RAB7A: variants seen among roughly 807,000 people sequenced by gnomAD.
RAB7A encodes ras-related protein Rab-7a.
RAB7A carries 2 observed loss-of-function variants against 24.5 expected under a neutral mutation model. That is an observed-to-expected ratio of 0.08 (90% CI 0.03 to 0.26). The LOEUF (loss-of-function observed/expected upper bound fraction) is 0.26. Among genes scored for constraint, RAB7A ranks in the 10% least tolerant of loss-of-function variants. The pLI is 1.00. For missense variants in RAB7A, 118 were observed against 255.7 expected, an observed-to-expected ratio of 0.46 and a Z score of 3.67; for synonymous variants, 100 against 95.9, an observed-to-expected ratio of 1.04 and a Z score of -0.25.
chr3:128,790,791 CTT>C (rs1449492355), intron 1 of RAB7A, among the ~76,000 whole-genome samples: 1 of 152,126 alleles, frequency 6.6e-6, no homozygotes, highest in African/African-American at 2.4e-5. Flanking sequence ...AGGCAAGTCT[CTT>C]GTCATTTGTG....
chr3:128,802,013 C>G (rs1415702663), intron 3 of RAB7A, among the ~76,000 whole-genome samples: 3 of 152,314 alleles, frequency 2.0e-5, no homozygotes, highest in African/African-American at 7.2e-5. Context: ...AGTGTTCTGT[C>G]TCTGCTGAAA....
intron 1 of RAB7A, among the ~76,000 whole-genome samples, chr3:128,783,708 C>T (rs1459548083): frequency 1.3e-5 from 2 of 152,198 alleles, no homozygotes; most frequent in Non-Finnish European, 2.9e-5. Context: ...TGCTTAGCTG[C>T]TCTCTGTACC....
At chr3:128,768,637 C>T (rs915308098) in intron 1 of RAB7A, among the ~76,000 whole-genome samples, 2 of 151,972 alleles carry the variant, frequency 1.3e-5, no homozygotes, top group African/African-American at 4.8e-5. Flanking sequence ...CAGCTCACTG[C>T]ACCTTCATCC....
chr3:128,811,037 A>G (rs1933913893), intron 5 of RAB7A, among the ~76,000 whole-genome samples: 2 of 151,890 alleles, frequency 1.3e-5, no homozygotes, highest in Non-Finnish European at 2.9e-5. Context: ...CTGGGCAACA[A>G]GAGCGAAACT....
At chr3:128,799,548 G>T (rs1933653162) in intron 3 of RAB7A, among the ~76,000 whole-genome samples, 1 of 152,082 alleles carries the variant, frequency 6.6e-6, no homozygotes, top group Admixed American at 6.6e-5. Context: ...TGTTGACCTC[G>T]AGCCATGGCA....
intron 1 of RAB7A, among the ~76,000 whole-genome samples, chr3:128,736,579 A>T (rs2070491639): frequency 6.6e-6 from 1 of 152,204 alleles, no homozygotes; most frequent in Admixed American, 6.5e-5. Context: ...TGGCAAAGGG[A>T]AAAAGAACTG....
intron 1 of RAB7A, among the ~76,000 whole-genome samples, chr3:128,756,551 A>C (rs2070730931): frequency 6.6e-6 from 1 of 152,224 alleles, no homozygotes; most frequent in Non-Finnish European, 1.5e-5. Flanking sequence ...CATGGATTTA[A>C]AAACTTACTA....
intron 1 of RAB7A, among the ~76,000 whole-genome samples, chr3:128,772,158 C>G (rs4333102): frequency 0.075 from 11,390 of 152,220 alleles, 732 homozygotes; most frequent in East Asian, 0.38. Context: ...ATGAACACAA[C>G]TGGCTTTTCC....
chr3:128,760,693 G>A (rs577558851), intron 1 of RAB7A, among the ~76,000 whole-genome samples: 49 of 152,342 alleles, frequency 3.2e-4, no homozygotes, highest in African/African-American at 1.1e-3. Context: ...GGAGTGTAAG[G>A]TGGTTAGGTT....
chr3:128,782,209 A>T (rs1190215196), intron 1 of RAB7A, among the ~76,000 whole-genome samples: 1 of 152,174 alleles, frequency 6.6e-6, no homozygotes, highest in Admixed American at 6.5e-5. Flanking sequence ...TTTGAATGGG[A>T]CAAAATAGAA....
chr3:128,783,458 G>A lies in RAB7A; in HGVS notation c.-8-11902G>A, dbSNP rs184759407. ...GGCAGAAAGGGCATTACATTAGGGG[G>A]TGAGGTGGGACCCTGTGGGAGGAAT... On this transcript the variant is annotated intron_variant, in intron 1 of 5. Coordinates refer to ENST00000265062, the MANE Select transcript of RAB7A (RefSeq NM_004637.6). Among the ~76,000 whole-genome samples the A allele has an allele frequency of 3.3e-3, 502 of 152,188 alleles. 4 individuals are homozygous for A. The highest frequency in any genetic ancestry group is 0.011 in the African/African-American group (477 of 41,506).
At chr3:128,772,302 G>A (rs1932970332) in intron 1 of RAB7A, among the ~76,000 whole-genome samples, 1 of 152,188 alleles carries the variant, frequency 6.6e-6, no homozygotes, top group African/African-American at 2.4e-5. Flanking sequence ...AGAAGGATGT[G>A]TTCCAAAGCT....
chr3:128,742,152 C>T (rs1162131443), intron 1 of RAB7A, among the ~76,000 whole-genome samples: 4 of 152,106 alleles, frequency 2.6e-5, no homozygotes, highest in Admixed American at 6.6e-5. Context: ...CAGACCTCCA[C>T]GGTGAGTGTT....
chr3:128,744,503 AAT>A (rs1192366312), intron 1 of RAB7A, among the ~76,000 whole-genome samples: 5 of 152,226 alleles, frequency 3.3e-5, no homozygotes, highest in Admixed American at 3.3e-4. Context: ...ATTCCACTGT[AAT>A]AAAAAGAAAA....
At chr3:128,766,669 G>A (rs539341575) in intron 1 of RAB7A, among the ~76,000 whole-genome samples, 2 of 152,132 alleles carry the variant, frequency 1.3e-5, no homozygotes, top group Non-Finnish European at 2.9e-5. Context: ...TGGCAGAGCA[G>A]ATCCCATAGG....
At chr3:128,784,923 T>C (rs1440472015) in intron 1 of RAB7A, among the ~76,000 whole-genome samples, 2 of 151,914 alleles carry the variant, frequency 1.3e-5, no homozygotes, top group African/African-American at 4.8e-5. Flanking sequence ...GTCCTGGGGC[T>C]TAAGAGTTCT....
intron 1 of RAB7A, among the ~76,000 whole-genome samples, chr3:128,738,722 C>T (rs1222482979): frequency 6.6e-6 from 1 of 152,198 alleles, no homozygotes; most frequent in African/African-American, 2.4e-5. Flanking sequence ...GACTGATTTA[C>T]CTGTTTTTCC....
At chr3:128,742,228 G>A (rs906477039) in intron 1 of RAB7A, among the ~76,000 whole-genome samples, 5 of 151,664 alleles carry the variant, frequency 3.3e-5, no homozygotes, top group East Asian at 1.9e-4. Flanking sequence ...TATTCCCCCC[G>A]GTGGGTTCGT....
chr3:128,764,900 A>T, intron 1 of RAB7A: 2 of 1,518,660 alleles, frequency 1.3e-6, no homozygotes, highest in Non-Finnish European at 9.0e-7. Flanking sequence ...TCAAAGTTGT[A>T]AGACACGGAC....
Sources: allele counts gnomAD v4.1 joint callset (sites outside exome capture counted in the v4.1 genomes callset), GRCh38; gene constraint gnomAD v4.1.1; transcripts MANE v1.5; gene names NCBI Gene and HGNC (gene_info 2026-07-23, HGNC 2026-07-21).